NTNG1: variants seen among roughly 807,000 people sequenced by gnomAD.
NTNG1 encodes netrin-G1.
In NTNG1, 16 loss-of-function variants were observed where a neutral mutation model predicts 54.0. The observed-to-expected ratio is 0.30, with a 90% confidence interval of 0.20 to 0.45. NTNG1 has a LOEUF of 0.45. Among genes scored for constraint, NTNG1 ranks in the 20% least tolerant of loss-of-function variants. The pLI, the probability that NTNG1 is intolerant of heterozygous loss-of-function variation, is 1.00. For synonymous variants in NTNG1, 255 were observed against 263.1 expected (o/e 0.97, Z 0.30); for missense variants, 530 against 678.7 (o/e 0.78, Z 2.43).
intron 1 of NTNG1, among the ~76,000 whole-genome samples, chr1:107,146,263 G>C (rs1049767818): frequency 6.6e-6 from 1 of 151,978 alleles, no homozygotes; most frequent in Non-Finnish European, 1.5e-5. Context: ...AATAATTTCT[G>C]ACCTAATAGA....
chr1:107,148,973 A>T, intron 2 of NTNG1, 134 bp downstream of exon 2: 2 of 867,622 alleles, frequency 2.3e-6, no homozygotes, highest in East Asian at 5.1e-5. Context: ...TTAACAGGCT[A>T]GTTTCTTTCT....
At chr1:107,369,896 A>T (rs1670815399) in intron 3 of NTNG1, among the ~76,000 whole-genome samples, 1 of 152,130 alleles carries the variant, frequency 6.6e-6, no homozygotes, top group African/African-American at 2.4e-5. Context: ...TCAGTTTTGA[A>T]TTAATTTTTG....
chr1:107,322,160 GTCATC>G (rs1667697373), intron 2 of NTNG1, among the ~76,000 whole-genome samples: 1 of 152,098 alleles, frequency 6.6e-6, no homozygotes, highest in Non-Finnish European at 1.5e-5. Flanking sequence ...AGCCTAATGT[GTCATC>G]TCATGTGGCC....
chr1:107,428,507 T>C (rs773401606), intron 5 of NTNG1, among the ~76,000 whole-genome samples: 4 of 152,054 alleles, frequency 2.6e-5, no homozygotes, highest in Non-Finnish European at 5.9e-5. Flanking sequence ...TTAATTAAAT[T>C]AGATGTACCA....
At chr1:107,346,207 C>T (rs1669216104) in intron 3 of NTNG1, among the ~76,000 whole-genome samples, 1 of 152,184 alleles carries the variant, frequency 6.6e-6, no homozygotes, top group Admixed American at 6.6e-5. Context: ...ATCAGTAATA[C>T]AGCTCTGGAA....
chr1:107,262,332 G>T (rs1404370359), intron 2 of NTNG1, among the ~76,000 whole-genome samples: 1 of 152,200 alleles, frequency 6.6e-6, no homozygotes, highest in Non-Finnish European at 1.5e-5. Context: ...TGTGGGTAAT[G>T]AGGGCAGTTC....
At chr1:107,349,935 C>G (rs890981634) in intron 3 of NTNG1, among the ~76,000 whole-genome samples, 29 of 152,032 alleles carry the variant, frequency 1.9e-4, no homozygotes, top group Non-Finnish European at 2.9e-5. Flanking sequence ...AAATAAATAC[C>G]TTGGAAGGGA....
intron 3 of NTNG1, among the ~76,000 whole-genome samples, chr1:107,351,844 C>G (rs1669630718): frequency 6.6e-6 from 1 of 152,216 alleles, no homozygotes; most frequent in African/African-American, 2.4e-5. Flanking sequence ...AGTTAGTTAC[C>G]TCCAAGGTAC....
At chr1:107,409,961 T>C (rs1323178988) in intron 5 of NTNG1, 1 of 152,120 alleles carries the variant, frequency 6.6e-6, no homozygotes, top group Admixed American at 6.6e-5. Context: ...AGGGCAAGAA[T>C]TCACACGTAG....
chr1:107,146,477 A>C (rs1483796079), intron 1 of NTNG1, among the ~76,000 whole-genome samples: 1 of 152,050 alleles, frequency 6.6e-6, no homozygotes, highest in African/African-American at 2.4e-5. Context: ...AATCTGAAAA[A>C]AAGCAGAAGG....
chr1:107,477,643 A>G (rs1678415056), intron 7 of NTNG1, among the ~76,000 whole-genome samples: 1 of 152,140 alleles, frequency 6.6e-6, no homozygotes, highest in African/African-American at 2.4e-5. Flanking sequence ...TCTCTTTTTT[A>G]TAATCTCCCT....
intron 2 of NTNG1, among the ~76,000 whole-genome samples, chr1:107,224,869 T>G (rs1660574299): frequency 6.6e-6 from 1 of 152,186 alleles, no homozygotes; most frequent in Non-Finnish European, 1.5e-5. Flanking sequence ...AGACAGAATC[T>G]GGTCTGAGAC....
At chr1:107,144,291 C>T (rs1482280941) in intron 1 of NTNG1, among the ~76,000 whole-genome samples, 2 of 151,866 alleles carry the variant, frequency 1.3e-5, no homozygotes, top group Non-Finnish European at 2.9e-5. Context: ...TGTTCCTTCC[C>T]ATTCAGAAAC....
intron 7 of NTNG1, among the ~76,000 whole-genome samples, chr1:107,477,376 C>G (rs529186802): frequency 2.0e-5 from 3 of 152,346 alleles, no homozygotes; most frequent in African/African-American, 7.2e-5. Flanking sequence ...CACCATCAAA[C>G]AGAGTCAAGG....
chr1:107,326,012 G>A (rs1046547838), intron 3 of NTNG1, among the ~76,000 whole-genome samples: 1 of 152,090 alleles, frequency 6.6e-6, no homozygotes, highest in Non-Finnish European at 1.5e-5. Flanking sequence ...CTGGAGAAGT[G>A]TTGAAACTTT....
intron 7 of NTNG1, among the ~76,000 whole-genome samples, chr1:107,447,855 AG>A (rs1383062909): frequency 6.6e-6 from 1 of 152,236 alleles, no homozygotes; most frequent in East Asian, 1.9e-4. Flanking sequence ...TATCCTTCCT[AG>A]CAAACTGGCC....
intron 2 of NTNG1, among the ~76,000 whole-genome samples, chr1:107,184,186 G>C (rs1040833879): frequency 1.3e-5 from 2 of 152,034 alleles, no homozygotes; most frequent in South Asian, 2.1e-4. Flanking sequence ...AGGCTCTTTG[G>C]ATGCAGTTCT....
rs112889112 is a variant in NTNG1 at position 107,417,168 on chromosome 1, T to C, written c.1087+9460T>C. On this transcript the variant is annotated intron_variant, in intron 5 of 7. Coordinates refer to ENST00000370068, the MANE Select transcript of NTNG1 (RefSeq NM_001113226.3). Reference sequence around the variant, plus strand: ...TATTTTGCCTACATGTTACCAAATATGTATTTATTTAATAACACCTGAGTA... The same window carrying C: ...TATTTTGCCTACATGTTACCAAATACGTATTTATTTAATAACACCTGAGTA... Among the ~76,000 whole-genome samples the C allele has an allele frequency of 5.5e-3, 838 of 152,222 alleles. 12 individuals carry two copies. Among genetic ancestry groups the C allele is most frequent in the African/African-American group, 0.018 (762 of 41,552 alleles).
At position 107,361,391 on chromosome 1, in the gene NTNG1, A is replaced by ATATATATAT. The variant is rs370815306; in HGVS notation, c.888-33762_888-33761insATATATATT. On this transcript the variant is annotated intron_variant, in intron 3 of 7. Coordinates refer to ENST00000370068, the MANE Select transcript of NTNG1 (RefSeq NM_001113226.3). ...TATATATACATATATATATATATATATTTTTTTTTTTTTTTGAGACACAGT... is the reference window on the plus strand; with the variant it reads ...TATATATACATATATATATATATATATATATATATTTTTTTTTTTTTTTTGAGACACAGT... Among the ~76,000 whole-genome samples, 291 of 87,954 alleles carry ATATATATAT rather than the reference A, an allele frequency of 3.3e-3. 1 individual carries two copies. The highest frequency in any genetic ancestry group is 6.9e-3 in the South Asian group (17 of 2,480). The allele number at this position is 87,954 out of a possible 152,430, so 57.7% of individuals were successfully genotyped here.
Sources: allele counts gnomAD v4.1 joint callset (sites outside exome capture counted in the v4.1 genomes callset), GRCh38; gene constraint gnomAD v4.1.1; transcripts MANE v1.5; gene names NCBI Gene and HGNC (gene_info 2026-07-23, HGNC 2026-07-21).